GALNT7: variants seen among roughly 807,000 people sequenced by gnomAD.
The protein encoded by GALNT7 is polypeptide N-acetylgalactosaminyltransferase 7.
A neutral mutation model predicts 82.1 loss-of-function variants in GALNT7; 60 were observed. The ratio of observed to expected loss-of-function variants is 0.73; its 90% CI spans 0.59 to 0.91. GALNT7 has a LOEUF of 0.91. Ranked by LOEUF, GALNT7 falls within the 40% of genes least tolerant of loss-of-function variation. The pLI is 0.00. For synonymous variants in GALNT7, 243 were observed against 275.1 expected (o/e 0.88, Z 1.15); for missense variants, 660 against 804.2 (o/e 0.82, Z 2.17).
At chr4:173,273,910 A>G (rs543867944) in intron 2 of GALNT7, among the ~76,000 whole-genome samples, 1 of 152,322 alleles carries the variant, frequency 6.6e-6, no homozygotes, top group Admixed American at 6.5e-5. Context: ...CAGACTGTTA[A>G]GTTATCTATA....
At chr4:173,184,882 C>T (rs548497816) in intron 1 of GALNT7, among the ~76,000 whole-genome samples, 1 of 152,246 alleles carries the variant, frequency 6.6e-6, no homozygotes, top group African/African-American at 2.4e-5. Flanking sequence ...GGGCCACTTG[C>T]CACAGTTTTA....
chr4:173,278,985 T>A (rs1736012339), intron 2 of GALNT7, among the ~76,000 whole-genome samples: 1 of 152,190 alleles, frequency 6.6e-6, no homozygotes, highest in Non-Finnish European at 1.5e-5. Context: ...TTTGTGTCAT[T>A]CCAACCAGTG....
chr4:173,283,342 G>C (rs1736185023), intron 2 of GALNT7, among the ~76,000 whole-genome samples: 1 of 152,110 alleles, frequency 6.6e-6, no homozygotes, highest in African/African-American at 2.4e-5. Flanking sequence ...AGGAATCTTA[G>C]ATAGGACTTT....
chr4:173,224,855 T>C (rs1025878500), intron 1 of GALNT7, among the ~76,000 whole-genome samples: 1 of 148,308 alleles, frequency 6.7e-6, no homozygotes, highest in Non-Finnish European at 1.5e-5. Flanking sequence ...TACTAAAAAT[T>C]AAAAAAAAAA....
At chr4:173,232,588 A>G (rs2126711035) in intron 1 of GALNT7, among the ~76,000 whole-genome samples, 1 of 151,976 alleles carries the variant, frequency 6.6e-6, no homozygotes, top group South Asian at 2.1e-4. Flanking sequence ...ACACACCACC[A>G]TGCCCTGCTG....
intron 2 of GALNT7, among the ~76,000 whole-genome samples, chr4:173,281,609 A>C (rs1736112280): frequency 6.6e-6 from 1 of 152,180 alleles, no homozygotes. Context: ...TGGAAAGGGA[A>C]GTTGTCTCTA....
rs529450764 is a variant in GALNT7 at position 173,258,339 on chromosome 4, A to C, written c.587+9899A>C. ...GTGTGCTAAGGGTGTGCACCAGTAG[A>C]CATAGAGTGGCCCAGAAAGGGTTCA... On this transcript the variant is annotated intron_variant, in intron 2 of 11. Coordinates refer to ENST00000265000, the MANE Select transcript of GALNT7 (RefSeq NM_017423.3). 2.4e-4 allele frequency among the ~76,000 whole-genome samples: 37 copies of C among 152,318 alleles called. No homozygotes were observed. In the South Asian group the frequency reaches 6.2e-3, roughly 26 times the overall value.
intron 1 of GALNT7, among the ~76,000 whole-genome samples, chr4:173,191,063 GA>G (rs113249937): frequency 0.028 from 3,926 of 140,366 alleles, 77 homozygotes; most frequent in African/African-American, 0.065. Flanking sequence ...TTGGAGGACT[GA>G]AAAAAAAAAA....
chr4:173,242,054 A>G (rs1262785279), intron 1 of GALNT7, among the ~76,000 whole-genome samples: 2 of 152,206 alleles, frequency 1.3e-5, no homozygotes, highest in East Asian at 3.8e-4. Context: ...TTTACTGTGT[A>G]GTACTCAGCC....
At chr4:173,300,506 CA>C in intron 6 of GALNT7, among the ~76,000 whole-genome samples, 1 of 151,780 alleles carries the variant, frequency 6.6e-6, no homozygotes. Context: ...GATGAGGGAC[CA>C]ATTCTGTGGA....
At chr4:173,174,702 G>A (rs1186867728) in intron 1 of GALNT7, among the ~76,000 whole-genome samples, 1 of 152,138 alleles carries the variant, frequency 6.6e-6, no homozygotes. Flanking sequence ...ATCTAGTTGG[G>A]GGTGGGGAGA....
intron 1 of GALNT7, among the ~76,000 whole-genome samples, chr4:173,225,908 A>G (rs1204907407): frequency 6.6e-6 from 1 of 151,964 alleles, no homozygotes; most frequent in Non-Finnish European, 1.5e-5. Flanking sequence ...TCCTGAACCA[A>G]CCCCACAGAG....
rs1311186381 is a variant in GALNT7, at chr4:173,292,016, T to C, written c.588-92T>C. ...CATTCACTTACCGTAGTTAAGTCGA[T>C]AGTATGTAATCCAATCAGCAAATAT... On this transcript the variant is annotated intron_variant, in intron 2 of 11. Transcript: ENST00000265000. This position sits in a 1 kb window ranked among gnomAD's most constrained non-coding sequence, Gnocchi z 4.8. 5 of 749,558 alleles carry C rather than the reference T, an allele frequency of 6.7e-6. No homozygotes were observed. The highest frequency in any genetic ancestry group is 3.6e-5 in the African/African-American group (2 of 54,892). The allele number at this position is 749,558 out of a possible 1,614,324, so 46.4% of individuals were successfully genotyped here. A position where few individuals can be genotyped will look rare whatever the true frequency, so the allele number is the denominator to read the frequency against.
intron 2 of GALNT7, among the ~76,000 whole-genome samples, chr4:173,265,431 C>T (rs544746841): frequency 6.6e-6 from 1 of 152,006 alleles, no homozygotes; most frequent in Non-Finnish European, 1.5e-5. Flanking sequence ...ATTTTTTGTT[C>T]TAAAAGCTTA....
intron 1 of GALNT7, among the ~76,000 whole-genome samples, chr4:173,179,185 G>T (rs193024475): frequency 3.9e-5 from 6 of 152,226 alleles, no homozygotes; most frequent in African/African-American, 1.4e-4. Context: ...AAAAAGAAAT[G>T]GTATTATTTA....
chr4:173,175,981 G>A (rs1348695434), intron 1 of GALNT7, among the ~76,000 whole-genome samples: 2 of 152,202 alleles, frequency 1.3e-5, no homozygotes, highest in East Asian at 3.9e-4. Context: ...GCTGAGGCAG[G>A]ATAATTGCTT....
chr4:173,275,617 G>A (rs560535598), intron 2 of GALNT7, among the ~76,000 whole-genome samples: 2 of 152,264 alleles, frequency 1.3e-5, no homozygotes, highest in Admixed American at 6.5e-5. Flanking sequence ...TCCAGCCCTA[G>A]GATTCAGCCA....
Position 173,207,795 on chromosome 4 carries a change from C to A in GALNT7, c.126+38834C>A, listed in dbSNP as rs535918481. On this transcript the variant is annotated intron_variant, in intron 1 of 11. Coordinates refer to ENST00000265000, the MANE Select transcript of GALNT7 (RefSeq NM_017423.3). ...TCAAAAAGTATGCAAAATTTTAAGT[C>A]ATTTGCATTTTAGAAAGGTTATGTA... Among the ~76,000 whole-genome samples, 317 of 152,252 alleles carry A rather than the reference C, an allele frequency of 2.1e-3. 1 individual carries two copies. Among genetic ancestry groups the A allele is most frequent in the Non-Finnish European group, 2.8e-3 (190 of 68,010 alleles).
At chr4:173,222,615 CT>C (rs1733680697) in intron 1 of GALNT7, among the ~76,000 whole-genome samples, 1 of 152,182 alleles carries the variant, frequency 6.6e-6, no homozygotes, top group Non-Finnish European at 1.5e-5. Context: ...TTAGATGGAA[CT>C]TTTGTATAAA....
Sources: allele counts gnomAD v4.1 joint callset (sites outside exome capture counted in the v4.1 genomes callset), GRCh38; gene constraint gnomAD v4.1.1; non-coding constraint Gnocchi (gnomAD v3.1); transcripts MANE v1.5; gene names NCBI Gene and HGNC (gene_info 2026-07-23, HGNC 2026-07-21).